Variants in SNF8 observed in about 807,000 individuals in gnomAD.
The protein encoded by SNF8 is SNF8 subunit of ESCRT-II.
A neutral mutation model predicts 36.8 loss-of-function variants in SNF8; 19 were observed. The ratio of observed to expected loss-of-function variants is 0.52; its 90% CI spans 0.36 to 0.76. SNF8 has a LOEUF of 0.76. Among genes scored for constraint, SNF8 ranks in the 30% least tolerant of loss-of-function variants. The probability of loss-of-function intolerance (pLI) is 0.00; values close to 1 mark genes in which losing one functional copy is unlikely to be tolerated. For missense variants in SNF8, 268 were observed against 322.9 expected (o/e 0.83, Z 1.30); for synonymous variants, 127 against 127.4 (o/e 1.00, Z 0.02).
At chr17:48,930,633 G>C in intron 7 of SNF8, 21 bp from the exon 8 acceptor site, 1 of 1,610,498 alleles carries the variant, frequency 6.2e-7, no homozygotes, top group Non-Finnish European at 8.5e-7. Context: ...AAGGGAAGAA[G>C]AGCAGTTTGA....
At chr17:48,938,644 C>T (rs1432343807) in intron 3 of SNF8, among the ~76,000 whole-genome samples, 1 of 151,938 alleles carries the variant, frequency 6.6e-6, no homozygotes, top group African/African-American at 2.4e-5. Context: ...TTGAGAGGGG[C>T]AGATCACGAG....
At chr17:48,941,689 T>A (rs963158671) in intron 2 of SNF8, among the ~76,000 whole-genome samples, 19 of 149,992 alleles carry the variant, frequency 1.3e-4, no homozygotes, top group Non-Finnish European at 1.8e-4. Flanking sequence ...CAATCAATAT[T>A]TTTTTTTTTT....
chr17:48,930,388 CTATTTTTTG>C lies in SNF8; in HGVS notation c.*78_*86del. ...GAAAGAAAAACTTGGAACTTTTTTT[CTATTTTTTG>C]TATAAACAAAATTGCCCAGGTTTAT... On this transcript the variant is annotated 3_prime_UTR_variant, in exon 8 of 8. Transcript: ENST00000502492. The C allele has an allele frequency of 7.5e-7, 1 of 1,332,782 alleles. No individual in the cohort carries two copies. Among genetic ancestry groups the C allele is most frequent in the Middle Eastern group, 2.8e-4 (1 of 3,534 alleles). 82.6% of individuals were successfully genotyped at this position (1,332,782 alleles called of 1,614,324 possible).
At chr17:48,944,585 T>C in intron 1 of SNF8, 96 bp downstream of exon 1, 1 of 1,334,400 alleles carries the variant, frequency 7.5e-7, no homozygotes, top group Non-Finnish European at 1.1e-6. Flanking sequence ...TCTCAGATTC[T>C]GTTGGGAGGT....
intron 3 of SNF8, among the ~76,000 whole-genome samples, chr17:48,938,887 A>G (rs987788042): frequency 1.3e-5 from 2 of 151,182 alleles, no homozygotes; most frequent in Non-Finnish European, 2.9e-5. Context: ...AAAAAAAAAA[A>G]GCAGTAAATT....
intron 7 of SNF8, among the ~76,000 whole-genome samples, chr17:48,931,314 T>C (rs2040854979): frequency 6.6e-6 from 1 of 152,250 alleles, no homozygotes; most frequent in Non-Finnish European, 1.5e-5. Context: ...AATAATTCAC[T>C]GTACTAACAG....
intron 5 of SNF8, 59 bp downstream of exon 5, chr17:48,936,111 T>A: frequency 1.6e-6 from 2 of 1,220,846 alleles, no homozygotes; most frequent in South Asian, 1.2e-5. Context: ...AGAAAAGAGT[T>A]CCATCTGAAT....
Position 48,930,562 on chromosome 17 carries a change from C to T in SNF8, c.690G>A (p.Gly230=). ...GLAWLDLQAP[G]EAHYWLPALF... is the part of the protein sequence containing the mutation. ...GAGCTGGCAGCCAGTAGTGGGCCTC[C>T]CCTGGGGCCTGTAAGTCCAGCCACG... The change falls in exon 8 of 8, where the codon GGG becomes GGA. Residue 230 remains glycine, a synonymous_variant. Transcript: ENST00000502492. 6.2e-7 allele frequency: 1 copy of T among 1,613,728 alleles called. No individual in the cohort carries two copies. The highest frequency in any genetic ancestry group is 8.5e-7 in the Non-Finnish European group (1 of 1,179,976).
chr17:48,931,084 C>A (rs573516006), intron 7 of SNF8, among the ~76,000 whole-genome samples: 20 of 152,244 alleles, frequency 1.3e-4, no homozygotes, highest in African/African-American at 3.6e-4. Context: ...TGTCCAATAT[C>A]ATTAGGTAAA....
intron 6 of SNF8, chr17:48,932,245 T>G (rs1175077857): frequency 6.6e-6 from 1 of 152,378 alleles, no homozygotes; most frequent in African/African-American, 2.4e-5. Context: ...TGGGGTCCCT[T>G]GTACTAACAT....
rs770183694 is a variant in SNF8 at position 48,937,001 on chromosome 17, A to G, written c.349+19T>C. On this transcript the variant is annotated intron_variant, in intron 4 of 7. Transcript: ENST00000502492. The stretch of plus-strand genomic sequence containing the variant: ...CAGAGAAGTCCAGAGTCCAGTTCAC[A>G]GGACCTAGCCACCCTCACCTCCATT... 6.4e-7 allele frequency: 1 copy of G among 1,572,446 alleles called. No homozygotes were observed. Among genetic ancestry groups the G allele is most frequent in the South Asian group, 1.1e-5 (1 of 90,300 alleles).
rs1470294393 is a variant in SNF8, at chr17:48,944,033, G to A, written c.55-58C>T. ...GAGTGGGCGCTGGAGGCCAGGCGCG[G>A]TGGCTCACGCCTGTAATCCCAGAAC... is the stretch of plus-strand genomic sequence containing the variant. On this transcript the variant is annotated intron_variant, in intron 1 of 7. Coordinates refer to ENST00000502492, the MANE Select transcript of SNF8 (RefSeq NM_007241.4). 3 of 1,542,336 alleles carry A rather than the reference G, an allele frequency of 1.9e-6. No homozygotes were observed. In the South Asian group the frequency reaches 3.3e-5, roughly 17 times the overall value.
rs71144543 is a variant in SNF8, at chr17:48,942,847, CTTTTTTTTTTT to C, written c.105+1067_105+1077del. 7.5e-4 allele frequency among the ~76,000 whole-genome samples: 65 copies of C among 86,172 alleles called. 1 individual carries two copies. The highest frequency in any genetic ancestry group is 1.1e-3 in the Non-Finnish European group (57 of 49,590). 56.5% of individuals were successfully genotyped at this position (86,172 alleles called of 152,430 possible). A position where few individuals can be genotyped will look rare whatever the true frequency, so the allele number is the denominator to read the frequency against. On this transcript the variant is annotated intron_variant, in intron 2 of 7. Coordinates refer to ENST00000502492, the MANE Select transcript of SNF8 (RefSeq NM_007241.4). The stretch of plus-strand genomic sequence containing the variant: ...ACAGGCGTTAGCCACCGCACCCGGC[CTTTTTTTTTTT>C]TTTTTTTTTTTTTTTGCTTTTTTTT...
chr17:48,937,534 G>T (rs1483122835), intron 3 of SNF8, among the ~76,000 whole-genome samples: 1 of 151,974 alleles, frequency 6.6e-6, no homozygotes, highest in African/African-American at 2.4e-5. Flanking sequence ...GGAGGCTGAG[G>T]CAGGAGAATT....
At position 48,936,936 on chromosome 17, in the gene SNF8, G is replaced by A. The variant is rs900471501; in HGVS notation, c.349+84C>T. 3 of 1,021,806 alleles carry A rather than the reference G, an allele frequency of 2.9e-6. No individual in the cohort carries two copies. In the East Asian group the frequency reaches 7.1e-5, roughly 24 times the overall value. 63.3% of individuals were successfully genotyped at this position (1,021,806 alleles called of 1,614,324 possible). The stretch of plus-strand genomic sequence containing the variant: ...TCAAGTCCTTAGAGGCCTGTAGACT[G>A]CAGGATGGAAACGATAATCTTTTAC... On this transcript the variant is annotated intron_variant, in intron 4 of 7. Transcript: ENST00000502492.
rs758138874 is a variant in SNF8 at position 48,930,509 on chromosome 17, A to G, written c.743T>C (p.Ile248Thr). ...ALFTDLYSQE[I>T]TAEEAREALP The stretch of plus-strand genomic sequence containing the variant: ...GGCTTCTCTGGCCTCCTCAGCTGTA[A>G]TCTCCTGGGAGTAGAGGTCAGTGAA... The change falls in exon 8 of 8, where the codon ATT becomes ACT. Residue 248 changes from isoleucine (I) to threonine (T), a missense_variant. Physicochemically the swap from Ile to Thr is moderately conservative, Grantham distance 89. Transcript: ENST00000502492. 2.5e-6 allele frequency: 4 copies of G among 1,611,584 alleles called. No homozygotes were observed. In the South Asian group the frequency reaches 4.4e-5, roughly 18 times the overall value.
chr17:48,942,847 C>CTTTTTTTTT (rs71144543), intron 2 of SNF8, among the ~76,000 whole-genome samples: 1 of 86,184 alleles, frequency 1.2e-5, no homozygotes, highest in South Asian at 3.7e-4. Flanking sequence ...CGCACCCGGC[C>CTTTTTTTTT]TTTTTTTTTT....
At chr17:48,931,756 T>C (rs2040862970) in intron 6 of SNF8, 39 bp from the exon 7 acceptor site, 5 of 1,532,132 alleles carry the variant, frequency 3.3e-6, no homozygotes, top group Non-Finnish European at 4.5e-6. Flanking sequence ...CAGTTAAGAG[T>C]GCACCTTCCC....
rs1382674505 is a variant in SNF8 at position 48,937,076 on chromosome 17, T to C, written c.293A>G (p.Tyr98Cys). 14 of 1,614,206 alleles carry C rather than the reference T, an allele frequency of 8.7e-6. No homozygotes were observed. The highest frequency in any genetic ancestry group is 1.2e-5 in the Non-Finnish European group (14 of 1,180,040). Residue 98 changes from tyrosine to cysteine, a missense_variant, in exon 4 of 8, where the codon TAC becomes TGC. By Grantham distance (194) the Tyr-to-Cys change is radical. Transcript: ENST00000502492. Reference protein sequence around the residue: ...SEMLGVGDFYYELGVQIIEVC... With the variant: ...SEMLGVGDFYCELGVQIIEVC... ...TTCGATAATTTGGACACCTAGTTCG[T>C]AATAGAAGTCCCCCACGCCCAGCAT...
Sources: allele counts gnomAD v4.1 joint callset (sites outside exome capture counted in the v4.1 genomes callset), GRCh38; gene constraint gnomAD v4.1.1; transcripts MANE v1.5; gene names NCBI Gene and HGNC (gene_info 2026-07-23, HGNC 2026-07-21).